The following HSPA4L variants were observed in gnomAD, a reference collection of about 807,000 sequenced individuals.
HSPA4L encodes the protein heat shock 70 kDa protein 4L.
In HSPA4L, 48 loss-of-function variants were observed where a neutral mutation model predicts 100.3. The ratio of observed to expected loss-of-function variants is 0.48; its 90% CI spans 0.38 to 0.61. HSPA4L has a LOEUF of 0.61. Among genes scored for constraint, HSPA4L ranks in the 20% least tolerant of loss-of-function variants. The pLI is 0.00. For missense variants in HSPA4L, 886 were observed against 988.6 expected (o/e 0.90, Z 1.39); for synonymous variants, 319 against 328.2 (o/e 0.97, Z 0.30).
intron 1 of HSPA4L, among the ~76,000 whole-genome samples, chr4:127,784,200 C>A (rs1732648201): frequency 6.6e-6 from 1 of 152,246 alleles, no homozygotes; most frequent in South Asian, 2.1e-4. Context: ...TCTTTGGCTT[C>A]ATTGACTCTC....
rs1734303747 is a variant in HSPA4L at position 127,839,155 on chromosome 4, T to C, written c.*6281T>C. On this transcript the variant is annotated 3_prime_UTR_variant, in exon 19 of 19. Transcript: ENST00000296464. The stretch of plus-strand genomic sequence containing the variant: ...TAGCTGTTAGACACCTTTGATTCTT[T>C]GCTGCTCTCTGGTTATGTATGTGTG... 6.6e-6 allele frequency: 1 copy of C among 152,228 alleles called. No individual in the cohort carries two copies. Among genetic ancestry groups the C allele is most frequent in the Non-Finnish European group, 1.5e-5 (1 of 68,044 alleles). The allele number at this position is 152,228 out of a possible 1,614,324, so 9.4% of individuals were successfully genotyped here.
intron 1 of HSPA4L, among the ~76,000 whole-genome samples, chr4:127,786,864 G>T (rs1732732065): frequency 2.0e-5 from 3 of 152,074 alleles, no homozygotes; most frequent in Admixed American, 2.0e-4. Flanking sequence ...GTAAACATTT[G>T]GAGAAAAAGT....
chr4:127,816,490 T>C (rs1460599059), intron 12 of HSPA4L, among the ~76,000 whole-genome samples: 1 of 152,214 alleles, frequency 6.6e-6, no homozygotes, highest in East Asian at 1.9e-4. Context: ...TGAACTCGGT[T>C]GTAATTCCTA....
Position 127,813,145 on chromosome 4 carries a change from A to T in HSPA4L, c.1578+1509A>T, listed in dbSNP as rs568017512. On this transcript the variant is annotated intron_variant, in intron 12 of 18. Transcript: ENST00000296464. ...CAAAGGAATAACTCCATGTTTTCTA[A>T]AAGGCCTAGAGAACATATATCGGGT... 427 of 1,423,112 alleles carry T rather than the reference A, an allele frequency of 3.0e-4. 2 individuals carry two copies. In the African/African-American group the frequency reaches 5.5e-3, roughly 18 times the overall value. 88.2% of individuals were successfully genotyped at this position (1,423,112 alleles called of 1,614,324 possible).
At chr4:127,821,823 C>G (rs1051143544) in intron 14 of HSPA4L, among the ~76,000 whole-genome samples, 12 of 152,106 alleles carry the variant, frequency 7.9e-5, no homozygotes, top group African/African-American at 2.7e-4. Flanking sequence ...GAATTATGCT[C>G]TCTGTTTAGG....
At chr4:127,786,674 C>G (rs908953793) in intron 1 of HSPA4L, among the ~76,000 whole-genome samples, 2 of 152,160 alleles carry the variant, frequency 1.3e-5, no homozygotes, top group African/African-American at 4.8e-5. Context: ...GCCATATTGC[C>G]TAGGCTAGTC....
Position 127,805,716 on chromosome 4 carries a change from G to T in HSPA4L, c.1167G>T (p.Val389=). Residue 389 remains valine, a synonymous_variant, in exon 10 of 19, where the codon GTG becomes GTT. Coordinates refer to ENST00000296464, the MANE Select transcript of HSPA4L (RefSeq NM_014278.4). ...QCAILSPAFK[V]REFSITDLVP... Reference sequence around the variant, plus strand: ...CGATTCTCTCACCAGCATTTAAAGTGCGTGAATTTTCCATAACAGACCTTG... The same window carrying T: ...CGATTCTCTCACCAGCATTTAAAGTTCGTGAATTTTCCATAACAGACCTTG... The T allele has an allele frequency of 6.2e-7, 1 of 1,612,456 alleles. No individual in the cohort carries two copies.
chr4:127,822,819 GA>G lies in HSPA4L; in HGVS notation c.1865del (p.Asn622MetfsTer27), dbSNP rs754032614. The G allele has an allele frequency of 6.2e-7, 1 of 1,613,706 alleles. No individual in the cohort carries two copies. The highest frequency in any genetic ancestry group is 2.2e-5 in the East Asian group (1 of 44,826). ...TAGAGAAAGAAAGAAATGATGCTAA[GA>G]ATGCCGTTGAAGAATATGTATATGA... Reference protein sequence around the residue: ...KLEKERNDAKNAVEEYVYDFR... With the variant: ...KLEKERNDAKXAVEEYVYDFR... On this transcript the variant is annotated frameshift_variant, in exon 15 of 19. Transcript: ENST00000296464. LOFTEE classifies it high-confidence loss of function.
intron 13 of HSPA4L, among the ~76,000 whole-genome samples, chr4:127,818,832 GACATGAGTGTACCTATATAACCTGC>G (rs2148795400): frequency 6.6e-6 from 1 of 150,602 alleles, no homozygotes; most frequent in African/African-American, 2.4e-5. Flanking sequence ...AGACCCCTGT[GACATGAGTGTACCTATATAACCTGC>G]ACATGTGCCC....
At position 127,782,462 on chromosome 4, in the gene HSPA4L, G is replaced by C. The variant is rs2148771225; in HGVS notation, c.-89G>C. ...CCCCTCTCGTTTGCTTCTGGTAGGA[G>C]TCGCAATCCCAGCAGCAATAGCCCA... is the stretch of plus-strand genomic sequence containing the variant. On this transcript the variant is annotated 5_prime_UTR_variant, in exon 1 of 19. Coordinates refer to ENST00000296464, the MANE Select transcript of HSPA4L (RefSeq NM_014278.4). 3 of 1,066,768 alleles carry C rather than the reference G, an allele frequency of 2.8e-6. No individual in the cohort carries two copies. The Middle Eastern group carries it at 6.0e-4, about 213-fold the overall frequency. The allele number at this position is 1,066,768 out of a possible 1,614,324, so 66.1% of individuals were successfully genotyped here.
chr4:127,802,556 T>C (rs1026881474), intron 6 of HSPA4L, among the ~76,000 whole-genome samples: 1 of 152,216 alleles, frequency 6.6e-6, no homozygotes, highest in African/African-American at 2.4e-5. Context: ...ATTTTCAGTA[T>C]AGATTGACTT....
chr4:127,830,865 C>A, intron 18 of HSPA4L, 66 bp downstream of exon 18: 1 of 980,772 alleles, frequency 1.0e-6, no homozygotes. Context: ...GAGAGTCATA[C>A]TTTGGCAAAT....
In HSPA4L at chr4:127,805,747, T is replaced by C. The variant is rs976356893; in HGVS notation, c.1198T>C (p.Tyr400His). ...ATTTTCCATAACAGACCTTGTTCCC[T>C]ATTCAATCACATTAAGGTGGAAGAC... Reference protein sequence around the residue: ...REFSITDLVPYSITLRWKTSF... With the variant: ...REFSITDLVPHSITLRWKTSF... Residue 400 changes from tyrosine (Y) to histidine (H), a missense_variant, in exon 10 of 19, where the codon TAT (tyrosine) becomes CAT (histidine). By Grantham distance (83) the Tyr-to-His change is moderately conservative. Coordinates refer to ENST00000296464, the MANE Select transcript of HSPA4L (RefSeq NM_014278.4). 14 of 1,612,758 alleles carry C rather than the reference T, an allele frequency of 8.7e-6. No homozygotes were observed. Among genetic ancestry groups the C allele is most frequent in the Non-Finnish European group, 1.2e-5 (14 of 1,179,142 alleles).
intron 10 of HSPA4L, among the ~76,000 whole-genome samples, chr4:127,806,296 A>G (rs948774780): frequency 6.6e-6 from 1 of 152,026 alleles, no homozygotes; most frequent in Admixed American, 6.6e-5. Context: ...AATTTAACCA[A>G]TACAGTATTA....
chr4:127,801,208 G>T lies in HSPA4L; in HGVS notation c.500G>T (p.Cys167Phe). Residue 167 changes from cysteine (C) to phenylalanine (F), a missense_variant, in exon 5 of 19, where the codon TGT (cysteine) becomes TTT (phenylalanine). Coordinates refer to ENST00000296464, the MANE Select transcript of HSPA4L (RefSeq NM_014278.4). ...MAAAQVAGLN[C>F]LRLMNETTAV... is the part of the protein sequence containing the mutation. ...GCAGCCCAGGTTGCAGGCTTAAATTGTTTAAGGTTGATGAATGAAACTACT... is the reference window on the plus strand; with the variant it reads ...GCAGCCCAGGTTGCAGGCTTAAATTTTTTAAGGTTGATGAATGAAACTACT... 4 of 1,611,968 alleles carry T rather than the reference G, an allele frequency of 2.5e-6. No homozygotes were observed. Among genetic ancestry groups the T allele is most frequent in the Non-Finnish European group, 3.4e-6 (4 of 1,179,068 alleles).
At chr4:127,807,471 C>G (rs1733391692) in intron 10 of HSPA4L, among the ~76,000 whole-genome samples, 1 of 151,920 alleles carries the variant, frequency 6.6e-6, no homozygotes, top group African/African-American at 2.4e-5. Context: ...TCGGTTGGTT[C>G]AGGAAAAATA....
intron 18 of HSPA4L, among the ~76,000 whole-genome samples, chr4:127,831,563 A>C (rs1734083853): frequency 6.6e-6 from 1 of 151,798 alleles, no homozygotes; most frequent in African/African-American, 2.4e-5. Flanking sequence ...AACTAGATCA[A>C]TAAGTTGATG....
chr4:127,799,635 C>T lies in HSPA4L; in HGVS notation c.429+926C>T, dbSNP rs766793141. ...TAGAATCATACAAATTTTAAAGATT[C>T]GTCTTAAATTCAAATCCATTTCTAT... On this transcript the variant is annotated intron_variant, in intron 4 of 18. Transcript: ENST00000296464. Among the ~76,000 whole-genome samples, 11 of 152,136 alleles carry T rather than the reference C, an allele frequency of 7.2e-5. No individual in the cohort carries two copies. In the South Asian group the frequency reaches 8.3e-4, roughly 11 times the overall value.
chr4:127,823,031 T>C (rs575221345), intron 15 of HSPA4L, 137 bp downstream of exon 15: 8 of 713,760 alleles, frequency 1.1e-5, no homozygotes, highest in Non-Finnish European at 1.5e-5. Context: ...AAGGTTCTTA[T>C]TTTTACAAGT....
Sources: allele counts gnomAD v4.1 joint callset (sites outside exome capture counted in the v4.1 genomes callset), GRCh38; gene constraint gnomAD v4.1.1; transcripts MANE v1.5; gene names NCBI Gene and HGNC (gene_info 2026-07-23, HGNC 2026-07-21).